Variants in KCNN2 observed in about 807,000 individuals in gnomAD.
KCNN2 encodes the protein small conductance calcium-activated potassium channel protein 2.
Under a neutral mutation model 55.5 loss-of-function variants are expected in KCNN2, and 24 were observed. The observed-to-expected ratio is 0.43, with a 90% CI of 0.31 to 0.61. The LOEUF is 0.61. Ranked by LOEUF, KCNN2 falls within the 20% of genes least tolerant of loss-of-function variation. The pLI is 0.08. For missense variants in KCNN2, 754 were observed against 853.6 expected (o/e 0.88, Z 1.45); for synonymous variants, 431 against 336.1 (o/e 1.28, Z -3.09).
chr5:114,494,653 T>G (rs1191609912), intron 7 of KCNN2, among the ~76,000 whole-genome samples: 1 of 152,046 alleles, frequency 6.6e-6, no homozygotes, highest in Admixed American at 6.5e-5. Context: ...TAATTTTACT[T>G]CAAGAGTACC....
intron 3 of KCNN2, among the ~76,000 whole-genome samples, chr5:114,444,347 C>T (rs139625937): frequency 2.0e-5 from 3 of 151,840 alleles, no homozygotes; most frequent in Non-Finnish European, 4.4e-5. Flanking sequence ...TCACTGACTT[C>T]GGAATGTGAA....
chr5:114,436,439 A>C (rs2150091085), intron 3 of KCNN2, among the ~76,000 whole-genome samples: 1 of 152,320 alleles, frequency 6.6e-6, no homozygotes, highest in East Asian at 1.9e-4. Flanking sequence ...CAAATGCCTC[A>C]GATTAAACAA....
chr5:114,090,319 GATAAC>G (rs1751111385), intron 1 of KCNN2, among the ~76,000 whole-genome samples: 1 of 152,038 alleles, frequency 6.6e-6, no homozygotes. Context: ...GCACACTCAA[GATAAC>G]ATAGCAATGA....
chr5:114,415,925 A>G (rs1367229105), intron 3 of KCNN2, among the ~76,000 whole-genome samples: 3 of 152,188 alleles, frequency 2.0e-5, no homozygotes, highest in Non-Finnish European at 4.4e-5. Context: ...CCATGCAGGA[A>G]AAAAGCCAGC....
chr5:114,238,946 C>G (rs952569290), intron 2 of KCNN2, among the ~76,000 whole-genome samples: 1 of 152,148 alleles, frequency 6.6e-6, no homozygotes, highest in Non-Finnish European at 1.5e-5. Flanking sequence ...TCTTTATCAT[C>G]TAGTTACTGT....
At chr5:114,331,973 T>C (rs1756830818) in intron 2 of KCNN2, among the ~76,000 whole-genome samples, 2 of 152,190 alleles carry the variant, frequency 1.3e-5, no homozygotes, top group Admixed American at 6.5e-5. Flanking sequence ...TAGTTGGAAA[T>C]TTTAATGTAT....
chr5:114,231,852 G>T (rs1421307153), intron 2 of KCNN2, among the ~76,000 whole-genome samples: 4 of 147,920 alleles, frequency 2.7e-5, no homozygotes, highest in African/African-American at 5.1e-5. Context: ...AAAATGCCTT[G>T]TTTTTTTTTT....
chr5:114,441,410 T>C (rs1760208961), intron 3 of KCNN2, among the ~76,000 whole-genome samples: 1 of 152,188 alleles, frequency 6.6e-6, no homozygotes, highest in African/African-American at 2.4e-5. Flanking sequence ...GTTTCAGTAA[T>C]TGACCATATG....
intron 2 of KCNN2, among the ~76,000 whole-genome samples, chr5:114,291,134 T>C (rs1209681457): frequency 6.6e-6 from 1 of 152,030 alleles, no homozygotes; most frequent in South Asian, 2.1e-4. Flanking sequence ...ATATGAAATA[T>C]AGTTATTAAA....
chr5:114,088,122 T>TTGAAA (rs1435795935), intron 1 of KCNN2, among the ~76,000 whole-genome samples: 1 of 152,144 alleles, frequency 6.6e-6, no homozygotes, highest in Non-Finnish European at 1.5e-5. Context: ...ACCTTCATTT[T>TTGAAA]TGAAGGATAT....
intron 1 of KCNN2, among the ~76,000 whole-genome samples, chr5:114,112,490 A>G (rs893619774): frequency 2.6e-5 from 4 of 152,124 alleles, no homozygotes; most frequent in Non-Finnish European, 5.9e-5. Flanking sequence ...AAATACATAA[A>G]TAAATAAAAA....
intron 1 of KCNN2, among the ~76,000 whole-genome samples, chr5:114,179,743 G>A (rs749593149): frequency 4.6e-5 from 7 of 151,946 alleles, no homozygotes; most frequent in African/African-American, 1.2e-4. Flanking sequence ...ACAGTAGAGC[G>A]TTTAAAACCT....
intron 1 of KCNN2, among the ~76,000 whole-genome samples, chr5:114,118,150 C>G (rs913187053): frequency 1.3e-5 from 2 of 152,132 alleles, no homozygotes; most frequent in African/African-American, 4.8e-5. Flanking sequence ...ACAGCATTTC[C>G]CTAGCTTAGT....
chr5:114,303,487 A>G (rs1232300441), intron 2 of KCNN2, among the ~76,000 whole-genome samples: 1 of 152,220 alleles, frequency 6.6e-6, no homozygotes, highest in Non-Finnish European at 1.5e-5. Flanking sequence ...AAATTGGTTT[A>G]TAAAGGCACG....
chr5:114,451,673 G>A (rs988380749), intron 3 of KCNN2, among the ~76,000 whole-genome samples: 3 of 152,078 alleles, frequency 2.0e-5, no homozygotes, highest in African/African-American at 7.2e-5. Context: ...AAGGCGGGCG[G>A]ATTATGAGGT....
At chr5:114,285,672 TGA>T (rs745336180) in intron 2 of KCNN2, among the ~76,000 whole-genome samples, 108 of 152,318 alleles carry the variant, frequency 7.1e-4, no homozygotes, top group Non-Finnish European at 1.1e-3. Flanking sequence ...GAATATACAT[TGA>T]GTGTGGGCAG....
chr5:114,370,391 G>A (rs1757725281), intron 2 of KCNN2, among the ~76,000 whole-genome samples: 1 of 152,136 alleles, frequency 6.6e-6, no homozygotes, highest in South Asian at 2.1e-4. Flanking sequence ...AATAAGACAG[G>A]AGGGGCCCTT....
At chr5:114,302,795 C>G (rs1193248074) in intron 2 of KCNN2, among the ~76,000 whole-genome samples, 1 of 152,076 alleles carries the variant, frequency 6.6e-6, no homozygotes, top group Non-Finnish European at 1.5e-5. Flanking sequence ...TCTGAAGTGC[C>G]TCAATCATAT....
chr5:114,104,345 T>C (rs1751435712), intron 1 of KCNN2, among the ~76,000 whole-genome samples: 1 of 152,122 alleles, frequency 6.6e-6, no homozygotes, highest in South Asian at 2.1e-4. Flanking sequence ...GCTAGTGTTC[T>C]ATCTATTTTG....
Sources: allele counts gnomAD v4.1 joint callset (sites outside exome capture counted in the v4.1 genomes callset), GRCh38; gene constraint gnomAD v4.1.1; transcripts MANE v1.5; gene names NCBI Gene and HGNC (gene_info 2026-07-23, HGNC 2026-07-21).